BCL2: variants seen among roughly 807,000 people sequenced by gnomAD.
BCL2 encodes the protein BCL2 apoptosis regulator.
A neutral mutation model predicts 14.2 loss-of-function variants in BCL2; 1 was observed. That is an observed-to-expected ratio of 0.07 (90% confidence interval 0.02 to 0.33). The LOEUF is 0.33. Among genes scored for constraint, BCL2 ranks in the 10% least tolerant of loss-of-function variants. The probability of loss-of-function intolerance (pLI) is 0.99; values close to 1 mark genes in which losing one functional copy is unlikely to be tolerated. For missense variants in BCL2, 247 were observed against 305.9 expected, an observed-to-expected ratio of 0.81 and a Z score of 1.44; for synonymous variants, 151 against 137.2, an observed-to-expected ratio of 1.10 and a Z score of -0.70.
chr18:63,173,219 A>G (rs1231303472), intron 2 of BCL2, among the ~76,000 whole-genome samples: 1 of 152,246 alleles, frequency 6.6e-6, no homozygotes, highest in Admixed American at 6.5e-5. Flanking sequence ...TAGCTCCAAT[A>G]TAGAAGTTGT....
At chr18:63,237,810 A>C (rs1910882609) in intron 2 of BCL2, among the ~76,000 whole-genome samples, 1 of 152,270 alleles carries the variant, frequency 6.6e-6, no homozygotes, top group Non-Finnish European at 1.5e-5. Flanking sequence ...ACAGAGAATT[A>C]GCTGTTGCTA....
intron 2 of BCL2, among the ~76,000 whole-genome samples, chr18:63,313,073 A>G (rs982755144): frequency 1.3e-5 from 2 of 152,230 alleles, no homozygotes. Context: ...CCAAGGCTGA[A>G]GTACATGCAA....
intron 1 of BCL2, 93 bp from the exon 2 acceptor site, chr18:63,319,045 G>C: frequency 9.1e-7 from 1 of 1,096,204 alleles, no homozygotes; most frequent in Non-Finnish European, 1.1e-6. Flanking sequence ...CACACTACAA[G>C]TAACACGGCT....
chr18:63,297,719 G>C (rs1237961558), intron 2 of BCL2, among the ~76,000 whole-genome samples: 2 of 152,236 alleles, frequency 1.3e-5, no homozygotes, highest in Non-Finnish European at 2.9e-5. Context: ...ACCTTTTCCT[G>C]TTCCCAAAAC....
intron 2 of BCL2, among the ~76,000 whole-genome samples, chr18:63,307,199 A>G (rs956098322): frequency 4.6e-5 from 7 of 152,204 alleles, no homozygotes; most frequent in African/African-American, 1.7e-4. Context: ...AAACAGGTAG[A>G]GAGGTTTTAA....
intron 2 of BCL2, among the ~76,000 whole-genome samples, chr18:63,169,142 C>T (rs1242152702): frequency 1.3e-5 from 2 of 152,206 alleles, no homozygotes; most frequent in Non-Finnish European, 2.9e-5. Flanking sequence ...CCTGGTGACA[C>T]TTATTTCCTA....
At chr18:63,319,145 T>A in intron 1 of BCL2, 29 bp downstream of exon 1, 3 of 772,300 alleles carry the variant, frequency 3.9e-6, no homozygotes, top group Non-Finnish European at 4.9e-6. Context: ...AAAGTTACAT[T>A]AAACCAATTT....
chr18:63,239,292 C>A (rs1412598884), intron 2 of BCL2, among the ~76,000 whole-genome samples: 1 of 152,202 alleles, frequency 6.6e-6, no homozygotes, highest in Non-Finnish European at 1.5e-5. Context: ...ATGGAAGGGG[C>A]CTCCCCTGAG....
chr18:63,294,757 G>A (rs941210193), intron 2 of BCL2, among the ~76,000 whole-genome samples: 10 of 152,154 alleles, frequency 6.6e-5, no homozygotes, highest in African/African-American at 2.2e-4. Context: ...GTATAAGACA[G>A]GGAAAATCCT....
At chr18:63,177,724 T>C (rs1419707913) in intron 2 of BCL2, among the ~76,000 whole-genome samples, 2 of 152,226 alleles carry the variant, frequency 1.3e-5, no homozygotes, top group Admixed American at 6.5e-5. Context: ...TTTTGGCTTT[T>C]ACATTTTTAA....
intron 2 of BCL2, among the ~76,000 whole-genome samples, chr18:63,196,970 A>G (rs1011559266): frequency 6.6e-6 from 1 of 152,210 alleles, no homozygotes; most frequent in Non-Finnish European, 1.5e-5. Flanking sequence ...TCTGAACTCC[A>G]TCTTCCTAAC....
intron 2 of BCL2, among the ~76,000 whole-genome samples, chr18:63,222,128 G>A (rs1910407857): frequency 6.6e-6 from 1 of 151,914 alleles, no homozygotes; most frequent in Non-Finnish European, 1.5e-5. Flanking sequence ...ACAAAAATTA[G>A]CCAGGCATAC....
chr18:63,205,133 C>G (rs567235203), intron 2 of BCL2, among the ~76,000 whole-genome samples: 1 of 152,284 alleles, frequency 6.6e-6, no homozygotes, highest in Non-Finnish European at 1.5e-5. Flanking sequence ...AAGGCTAATA[C>G]AAGATAGAAA....
In BCL2 at chr18:63,123,726, TAAAC is replaced by T. The variant is rs1913835325; in HGVS notation, c.*4895_*4898del. 3 of 215,138 alleles carry T rather than the reference TAAAC, an allele frequency of 1.4e-5. No homozygotes were observed. The highest frequency in any genetic ancestry group is 1.9e-4 in the South Asian group (1 of 5,368). 13.3% of individuals were successfully genotyped at this position (215,138 alleles called of 1,614,324 possible). On this transcript the variant is annotated 3_prime_UTR_variant, in exon 3 of 3. Coordinates refer to ENST00000333681, the MANE Select transcript of BCL2 (RefSeq NM_000633.3). ...TGGTTGAAAACTTAAGAAGGTATAA[TAAAC>T]AAAACCACCAAAAGAAAGCTTCCCC...
chr18:63,161,854 G>A (rs1392303673), intron 2 of BCL2: 1 of 152,196 alleles, frequency 6.6e-6, no homozygotes, highest in Non-Finnish European at 1.5e-5. Context: ...ACCTCCATGT[G>A]TAAGCCAACC....
rs780393617 is a variant in BCL2, at chr18:63,125,591, CA to C, written c.*3033del. The C allele has an allele frequency of 4.7e-6, 1 of 213,080 alleles. No homozygotes were observed. Among genetic ancestry groups the C allele is most frequent in the Non-Finnish European group, 9.5e-6 (1 of 105,212 alleles). 13.2% of individuals were successfully genotyped at this position (213,080 alleles called of 1,614,324 possible). On this transcript the variant is annotated 3_prime_UTR_variant, in exon 3 of 3. Coordinates refer to ENST00000333681, the MANE Select transcript of BCL2 (RefSeq NM_000633.3). ...GGACTGTTTTTTCATTCATAAAGAGCAGTTAAGATGCAGATGTGAATCCCTC... is the reference window on the plus strand; with the variant it reads ...GGACTGTTTTTTCATTCATAAAGAGCGTTAAGATGCAGATGTGAATCCCTC...
intron 2 of BCL2, among the ~76,000 whole-genome samples, chr18:63,253,756 T>C (rs568955399): frequency 6.6e-6 from 1 of 152,038 alleles, no homozygotes; most frequent in South Asian, 2.1e-4. Context: ...GATTCCCCAG[T>C]ATATTAGAAA....
intron 2 of BCL2, among the ~76,000 whole-genome samples, chr18:63,241,077 C>T (rs1327893358): frequency 6.6e-6 from 1 of 152,216 alleles, no homozygotes; most frequent in Non-Finnish European, 1.5e-5. Flanking sequence ...CAGACATAGA[C>T]AATACATAGC....
chr18:63,296,084 G>A (rs1912787929), intron 2 of BCL2, among the ~76,000 whole-genome samples: 1 of 152,134 alleles, frequency 6.6e-6, no homozygotes, highest in Non-Finnish European at 1.5e-5. Flanking sequence ...TTAGCCAGCT[G>A]CAGAGCATGT....
Sources: gnomAD v4.1 joint callset for allele counts (sites outside exome capture counted in the v4.1 genomes callset) on GRCh38, gnomAD v4.1.1 for gene constraint, MANE v1.5 for transcripts, NCBI Gene and HGNC (gene_info 2026-07-23, HGNC 2026-07-21) for gene names.